The following DARS2 variants were observed in gnomAD, a reference collection of about 807,000 sequenced individuals.
DARS2 encodes aspartyl-tRNA synthetase 2, mitochondrial, also known as aspartate--tRNA ligase, mitochondrial.
Under a neutral mutation model 83.0 loss-of-function variants are expected in DARS2, and 63 were observed. That is an observed-to-expected ratio of 0.76 (90% CI 0.62 to 0.94). The LOEUF (loss-of-function observed/expected upper bound fraction) is 0.94. Ranked by LOEUF, DARS2 falls within the 40% of genes least tolerant of loss-of-function variation. DARS2 has a pLI of 0.00. For missense variants in DARS2, 675 were observed against 774.4 expected (o/e 0.87, Z 1.52); for synonymous variants, 250 against 269.3 (o/e 0.93, Z 0.70).
intron 2 of DARS2, 114 bp from the exon 3 acceptor site, chr1:173,828,215 TAAAA>T: frequency 9.9e-7 from 1 of 1,011,454 alleles, no homozygotes; most frequent in Non-Finnish European, 1.5e-6. Context: ...ATAATTATCA[TAAAA>T]AAGAAACATG....
chr1:173,834,732 G>GTTTTTTTTTTTTTTTTTTTTTTTTTT, intron 7 of DARS2, among the ~76,000 whole-genome samples: 1 of 21,680 alleles, frequency 4.6e-5, no homozygotes, highest in Non-Finnish European at 8.5e-5. Flanking sequence ...GAGTTTTTTT[G>GTTTTTTTTTTTTTTTTTTTTTTTTTT]TTTTTTTTTT....
At position 173,826,835 on chromosome 1, in the gene DARS2, G is replaced by A. The variant is rs946683987; in HGVS notation, c.227+49G>A. 4.4e-6 allele frequency: 6 copies of A among 1,363,742 alleles called. No individual in the cohort carries two copies. The African/African-American group carries it at 8.6e-5, about 20-fold the overall frequency. The allele number at this position is 1,363,742 out of a possible 1,614,324, so 84.5% of individuals were successfully genotyped here. ...GAATGCATGGTGGTGGTTTTCCCAG[G>A]GCAATTCCAAACCTTTACTAATTTA... is the stretch of plus-strand genomic sequence containing the variant. On this transcript the variant is annotated intron_variant, in intron 2 of 16. Coordinates refer to ENST00000649689, the MANE Select transcript of DARS2 (RefSeq NM_018122.5).
At chr1:173,834,449 G>A (rs1019435090) in intron 6 of DARS2, 24 bp from the exon 7 acceptor site, 1 of 1,576,340 alleles carries the variant, frequency 6.3e-7, no homozygotes, top group Non-Finnish European at 8.7e-7. Flanking sequence ...TATCTACTAA[G>A]TGATAATGTT....
chr1:173,842,280 CTTTCTTTTTTTTTT>C (rs1428214479), intron 11 of DARS2, among the ~76,000 whole-genome samples: 2 of 61,494 alleles, frequency 3.3e-5, no homozygotes, highest in African/African-American at 5.6e-5. Context: ...AGTCTCATTA[CTTTCTTTTTTTTTT>C]TTTTTTTTTT....
In DARS2 at chr1:173,834,744, T is replaced by TC. The variant is rs60713728; in HGVS notation, c.663+225_663+226insC. 0.02 allele frequency among the ~76,000 whole-genome samples: 2,564 copies of TC among 127,642 alleles called. 195 individuals are homozygous for TC. Among genetic ancestry groups the TC allele is most frequent in the African/African-American group, 0.09 (2,373 of 26,394 alleles). 83.7% of individuals were successfully genotyped at this position (127,642 alleles called of 152,430 possible). A position where few individuals can be genotyped will look rare whatever the true frequency, so the allele number is the denominator to read the frequency against. ...TTTGAGTTTTTTTGTTTTTTTTTTT[T>TC]TTTTTTTTTTTTTGGTTTGTTTTGG... On this transcript the variant is annotated intron_variant, in intron 7 of 16. Transcript: ENST00000649689.
Position 173,826,782 on chromosome 1 carries a change from C to G in DARS2, c.223C>G (p.Arg75Gly). ...EVTLCGWIQYRRQNTFLVLRD... is the reference protein window; with the variant it reads ...EVTLCGWIQYGRQNTFLVLRD... ...CACCTTGTGTGGATGGATTCAGTAC[C>G]GAAGGTAAATTGAGAAAGACAGTCT... The change falls in exon 2 of 17, where the codon CGA becomes GGA. Residue 75 changes from arginine (R) to glycine (G), a missense_variant. Physicochemically the swap from Arg to Gly is moderately radical, Grantham distance 125. Transcript: ENST00000649689. 2 of 1,608,920 alleles carry G rather than the reference C, an allele frequency of 1.2e-6. No homozygotes were observed. The highest frequency in any genetic ancestry group is 1.1e-5 in the South Asian group (1 of 90,956).
rs772652714 is a variant in DARS2, at chr1:173,856,644, T to G, written c.1675-22T>G. On this transcript the variant is annotated intron_variant, in intron 15 of 16. Coordinates refer to ENST00000649689, the MANE Select transcript of DARS2 (RefSeq NM_018122.5). Reference sequence around the variant, plus strand: ...GTGGACCTTCAAAATATATTTAAACTGAATTATCTTTTGAATTTCAGGAGG... The same window carrying G: ...GTGGACCTTCAAAATATATTTAAACGGAATTATCTTTTGAATTTCAGGAGG... 8 of 1,610,732 alleles carry G rather than the reference T, an allele frequency of 5.0e-6. No individual in the cohort carries two copies. The Admixed American group carries it at 8.3e-5, about 17-fold the overall frequency.
rs9425754 is a variant in DARS2, at chr1:173,834,745, T to G, written c.663+226T>G. Reference sequence around the variant, plus strand: ...TTGAGTTTTTTTGTTTTTTTTTTTTTTTTTTTTTTTTTGGTTTGTTTTGGG... The same window carrying G: ...TTGAGTTTTTTTGTTTTTTTTTTTTGTTTTTTTTTTTTGGTTTGTTTTGGG... On this transcript the variant is annotated intron_variant, in intron 7 of 16. Transcript: ENST00000649689. Among the ~76,000 whole-genome samples the G allele has an allele frequency of 4.8e-5, 6 of 125,064 alleles. 1 individual carries two copies. The highest frequency in any genetic ancestry group is 2.1e-4 in the East Asian group (1 of 4,844). 82.0% of individuals were successfully genotyped at this position (125,064 alleles called of 152,430 possible).
intron 16 of DARS2, 57 bp downstream of exon 16, chr1:173,856,798 C>T (rs1572000621): frequency 1.4e-6 from 2 of 1,463,920 alleles, no homozygotes; most frequent in East Asian, 4.5e-5. Context: ...GTCTCAAATT[C>T]AGGTTCTCAG....
At chr1:173,851,324 C>G (rs148960665) in intron 13 of DARS2, among the ~76,000 whole-genome samples, 207 of 151,850 alleles carry the variant, frequency 1.4e-3, no homozygotes, top group Non-Finnish European at 2.6e-3. Flanking sequence ...TAGACCTGAC[C>G]CTAATTAGAA....
At chr1:173,830,552 G>A in intron 3 of DARS2, 108 bp from the exon 4 acceptor site, 1 of 896,344 alleles carries the variant, frequency 1.1e-6, no homozygotes, top group Admixed American at 1.8e-5. Flanking sequence ...AGCCTTTATG[G>A]TAATTAAGCT....
At chr1:173,834,736 T>G (rs1652922143) in intron 7 of DARS2, among the ~76,000 whole-genome samples, 1 of 94,762 alleles carries the variant, frequency 1.1e-5, no homozygotes, top group Non-Finnish European at 2.3e-5. Flanking sequence ...TTTTTTGTTT[T>G]TTTTTTTTTT....
At position 173,857,640 on chromosome 1, in the gene DARS2, G is replaced by A. The variant is rs1455851098; in HGVS notation, c.1873G>A (p.Glu625Lys). The A allele has an allele frequency of 6.2e-7, 1 of 1,614,118 alleles. No homozygotes were observed. The change falls in exon 17 of 17, where the codon GAA (glutamate) becomes AAA (lysine). Residue 625 changes from glutamate to lysine, a missense_variant. Coordinates refer to ENST00000649689, the MANE Select transcript of DARS2 (RefSeq NM_018122.5). ...SNTPDSVPPE[E>K]LKPYHIRVSK... ...TACCCCAGATTCTGTCCCTCCTGAG[G>A]AACTGAAGCCCTATCATATCCGAGT...
intron 6 of DARS2, among the ~76,000 whole-genome samples, chr1:173,833,872 A>C (rs1652883957): frequency 1.3e-5 from 2 of 151,442 alleles, no homozygotes; most frequent in Admixed American, 1.3e-4. Flanking sequence ...CGATCCTCCC[A>C]CCACACCTTC....
chr1:173,830,560 G>A (rs368801696), intron 3 of DARS2, 100 bp from the exon 4 acceptor site: 1 of 960,438 alleles, frequency 1.0e-6, no homozygotes, highest in South Asian at 1.3e-5. Context: ...TGGTAATTAA[G>A]CTGTGACTAT....
chr1:173,846,791 GTC>G (rs1653452436), intron 12 of DARS2, among the ~76,000 whole-genome samples: 1 of 151,580 alleles, frequency 6.6e-6, no homozygotes, highest in Admixed American at 6.6e-5. Flanking sequence ...GTGAGACCCT[GTC>G]TCAAAAAAAA....
intron 7 of DARS2, among the ~76,000 whole-genome samples, chr1:173,836,228 A>T (rs1224921814): frequency 4.6e-5 from 7 of 151,644 alleles, no homozygotes; most frequent in Admixed American, 2.6e-4. Context: ...TCAAAAAGAA[A>T]TTTTTTTTAA....
chr1:173,850,918 T>C (rs766685648), intron 13 of DARS2, among the ~76,000 whole-genome samples: 6 of 151,954 alleles, frequency 3.9e-5, no homozygotes, highest in Admixed American at 6.6e-5. Context: ...ATAAATCTTA[T>C]AGTGCTTTAT....
intron 15 of DARS2, 55 bp downstream of exon 15, chr1:173,853,960 G>C: frequency 2.1e-6 from 3 of 1,456,138 alleles, no homozygotes; most frequent in Non-Finnish European, 2.9e-6. Flanking sequence ...ATATTTTTCA[G>C]TTTTGTGTTG....
Sources: gnomAD v4.1 joint callset for allele counts (sites outside exome capture counted in the v4.1 genomes callset) on GRCh38, gnomAD v4.1.1 for gene constraint, MANE v1.5 for transcripts, NCBI Gene and HGNC (gene_info 2026-07-23, HGNC 2026-07-21) for gene names.